Variants in ZC3H6 observed in about 807,000 individuals in gnomAD.
ZC3H6 encodes the protein zinc finger CCCH domain-containing protein 6.
In ZC3H6, 40 loss-of-function variants were observed where a neutral mutation model predicts 107.7. The ratio of observed to expected loss-of-function variants is 0.37; its 90% CI spans 0.29 to 0.48. The LOEUF is 0.48. Ranked by LOEUF, ZC3H6 falls within the 20% of genes least tolerant of loss-of-function variation. The pLI, the probability that ZC3H6 is intolerant of heterozygous loss-of-function variation, is 0.98. For missense variants in ZC3H6, 1,267 were observed against 1,410.4 expected (o/e 0.90, Z 1.63); for synonymous variants, 493 against 487.9 (o/e 1.01, Z -0.14).
In ZC3H6 at chr2:112,331,400, A is replaced by G. The variant is rs762825878; in HGVS notation, c.2482A>G (p.Thr828Ala). 3.7e-6 allele frequency: 6 copies of G among 1,613,570 alleles called. No homozygotes were observed. Among genetic ancestry groups the G allele is most frequent in the Admixed American group, 1.7e-5 (1 of 59,968 alleles). The part of the protein sequence containing the change: ...HKRGDDDDED[T>A]ERELREKAFL... Reference sequence around the variant, plus strand: ...AAGAGGCGATGATGATGATGAAGATACAGAAAGAGAACTGAGAGAAAAAGC... The same window carrying G: ...AAGAGGCGATGATGATGATGAAGATGCAGAAAGAGAACTGAGAGAAAAAGC... The change falls in exon 12 of 12, where the codon ACA becomes GCA. Residue 828 changes from threonine (T) to alanine (A), a missense_variant. Thr to Ala is a moderately conservative substitution (Grantham distance 58). This residue lies in a region of ZC3H6 where 925 missense variants were observed against 1,025.7 expected (regional missense o/e 0.90). Coordinates refer to ENST00000409871, the MANE Select transcript of ZC3H6 (RefSeq NM_198581.3).
At chr2:112,312,972 C>T (rs1676621040) in intron 5 of ZC3H6, among the ~76,000 whole-genome samples, 1 of 151,864 alleles carries the variant, frequency 6.6e-6, no homozygotes, top group Non-Finnish European at 1.5e-5. Context: ...AGATAGTGGG[C>T]AGAGATTTCT....
intron 1 of ZC3H6, among the ~76,000 whole-genome samples, chr2:112,288,018 T>G (rs1686642591): frequency 6.6e-6 from 1 of 152,250 alleles, no homozygotes; most frequent in South Asian, 2.1e-4. Flanking sequence ...CATTAACATC[T>G]GTTGTCACCA....
rs1448187574 is a variant in ZC3H6, at chr2:112,311,815, A to G, written c.625A>G (p.Arg209Gly). ...TTTAACTTTTCTAGGTATTGAACAG[A>G]GAGTTAAAAGTTTTAATGTTGGTCG... ...MKGVQQGIEQ[R>G]VKSFNVGRGR... The change falls in exon 5 of 12, where the codon AGA (arginine) becomes GGA (glycine). Residue 209 changes from arginine to glycine, a missense_variant. Physicochemically the swap from Arg to Gly is moderately radical, Grantham distance 125 (BLOSUM62 -2). Around this residue, in one of 3 missense-constraint regions of ZC3H6, gnomAD observed 337 missense variants for 361.2 expected, o/e 0.93. Coordinates refer to ENST00000409871, the MANE Select transcript of ZC3H6 (RefSeq NM_198581.3). 2.5e-6 allele frequency: 4 copies of G among 1,610,940 alleles called. No individual in the cohort carries two copies. In the South Asian group the frequency reaches 3.3e-5, roughly 13 times the overall value.
intron 1 of ZC3H6, among the ~76,000 whole-genome samples, chr2:112,289,972 CT>C (rs1228261601): frequency 6.6e-6 from 1 of 152,070 alleles, no homozygotes; most frequent in African/African-American, 2.4e-5. Context: ...CACTCCTGGG[CT>C]TGACCAGTTC....
intron 1 of ZC3H6, among the ~76,000 whole-genome samples, chr2:112,289,063 T>C (rs1453957194): frequency 4.9e-4 from 38 of 77,480 alleles, no homozygotes; most frequent in Admixed American, 4.2e-3. Context: ...CTTTTTTTTC[T>C]TTTTTTTTTT....
rs1214307941 is a variant in ZC3H6 at position 112,309,997 on chromosome 2, A to C, written c.449A>C (p.Asn150Thr). 9.3e-6 allele frequency: 15 copies of C among 1,613,610 alleles called. No homozygotes were observed. In the South Asian group the frequency reaches 1.6e-4, roughly 18 times the overall value. ...ACCTACAGTGATGACAACTTCGGTA[A>C]CTACAGTGATGACAACTTTGGTAAC... Reference protein sequence around the residue: ...YSTYSDDNFGNYSDDNFGNYG... With the variant: ...YSTYSDDNFGTYSDDNFGNYG... The change falls in exon 4 of 12, where the codon AAC (asparagine) becomes ACC (threonine). Residue 150 changes from asparagine (N) to threonine (T), a missense_variant. By Grantham distance (65) the Asn-to-Thr change is moderately conservative. Coordinates refer to ENST00000409871, the MANE Select transcript of ZC3H6 (RefSeq NM_198581.3).
chr2:112,331,707 C>T lies in ZC3H6; in HGVS notation c.2789C>T (p.Pro930Leu), dbSNP rs1677035383. 5 of 1,613,782 alleles carry T rather than the reference C, an allele frequency of 3.1e-6. No homozygotes were observed. Among genetic ancestry groups the T allele is most frequent in the Middle Eastern group, 1.7e-4 (1 of 6,060 alleles). ...CATCAAAATACAGTGTCCATTGATCCAAAATTAGCAGCCAAAGCCAAAATT... is the reference window on the plus strand; with the variant it reads ...CATCAAAATACAGTGTCCATTGATCTAAAATTAGCAGCCAAAGCCAAAATT... ...DLHQNTVSID[P>L]KLAAKAKINT... Residue 930 changes from proline to leucine, a missense_variant, in exon 12 of 12, where the codon CCA (proline) becomes CTA (leucine). Physicochemically the swap from Pro to Leu is moderately conservative, Grantham distance 98 (BLOSUM62 -3). Transcript: ENST00000409871.
intron 1 of ZC3H6, among the ~76,000 whole-genome samples, chr2:112,287,191 T>A (rs1029129466): frequency 6.6e-6 from 1 of 152,156 alleles, no homozygotes; most frequent in African/African-American, 2.4e-5. Context: ...GAATTTTGTT[T>A]TCTGAGATTT....
At chr2:112,291,920 G>A (rs1272417813) in intron 1 of ZC3H6, among the ~76,000 whole-genome samples, 1 of 152,084 alleles carries the variant, frequency 6.6e-6, no homozygotes, top group African/African-American at 2.4e-5. Context: ...GGTTCACCAT[G>A]TTGACCAGGC....
intron 2 of ZC3H6, among the ~76,000 whole-genome samples, chr2:112,301,390 G>C (rs2104706250): frequency 6.6e-6 from 1 of 152,284 alleles, no homozygotes; most frequent in South Asian, 2.1e-4. Flanking sequence ...GAAAGAAATA[G>C]TCAGATAACA....
At chr2:112,284,959 T>C (rs1325430857) in intron 1 of ZC3H6, among the ~76,000 whole-genome samples, 1 of 152,170 alleles carries the variant, frequency 6.6e-6, no homozygotes, top group Non-Finnish European at 1.5e-5. Flanking sequence ...AACTAAAAAT[T>C]AAATATAGTC....
intron 6 of ZC3H6, 61 bp from the exon 7 acceptor site, chr2:112,317,157 TTTC>T: frequency 1.1e-6 from 1 of 914,710 alleles, no homozygotes; most frequent in Non-Finnish European, 1.6e-6. Context: ...TCAGCTGTTG[TTTC>T]TTTGTTTCTC....
In ZC3H6 at chr2:112,321,854, CT is replaced by C; in HGVS notation, c.1079del (p.Leu360TrpfsTer5). ...HDDLTKETKKLLDKVLNTDEE... is the reference protein window; with the variant it reads ...HDDLTKETKKXLDKVLNTDEE... ...TGATCTAACTAAAGAAACAAAGAAA[CT>C]TTTGGACAAAGTGAGTAATATTTTT... is the stretch of plus-strand genomic sequence containing the variant. On this transcript the variant is annotated frameshift_variant, in exon 8 of 12. Transcript: ENST00000409871. LOFTEE classifies it high-confidence loss of function. 6.7e-7 allele frequency: 1 copy of C among 1,495,814 alleles called. No homozygotes were observed. The highest frequency in any genetic ancestry group is 1.4e-5 in the South Asian group (1 of 73,264). The allele number at this position is 1,495,814 out of a possible 1,614,324, so 92.7% of individuals were successfully genotyped here. A position where few individuals can be genotyped will look rare whatever the true frequency, so the allele number is the denominator to read the frequency against.
rs549752444 is a variant in ZC3H6 at position 112,337,547 on chromosome 2, C to G, written c.*5059C>G. On this transcript the variant is annotated 3_prime_UTR_variant, in exon 12 of 12. Transcript: ENST00000409871. ...ATGTTGATCAGGCTGATCTTGAACTCCTGACCCCAGGTGATCCACCCGCCT... is the reference window on the plus strand; with the variant it reads ...ATGTTGATCAGGCTGATCTTGAACTGCTGACCCCAGGTGATCCACCCGCCT... 1 of 151,912 alleles carries G rather than the reference C, an allele frequency of 6.6e-6. No individual in the cohort carries two copies. The highest frequency in any genetic ancestry group is 1.9e-4 in the East Asian group (1 of 5,152). The allele number at this position is 151,912 out of a possible 1,614,324, so 9.4% of individuals were successfully genotyped here.
rs552830639 is a variant in ZC3H6, at chr2:112,324,428, C to T, written c.1617C>T (p.Asp539=). ...AAGCTGGAGTGCTTGTTCAACCAGA[C>T]ACATCTTTGACACCACCAAGTATGG... ...QNQAGVLVQP[D]TSLTPPSMGG... is the part of the protein sequence containing the mutation. Residue 539 remains aspartate (D), a synonymous_variant, in exon 10 of 12, where the codon GAC becomes GAT. Coordinates refer to ENST00000409871, the MANE Select transcript of ZC3H6 (RefSeq NM_198581.3). The T allele has an allele frequency of 7.4e-6, 12 of 1,614,020 alleles. No homozygotes were observed. Among genetic ancestry groups the T allele is most frequent in the East Asian group, 4.5e-5 (2 of 44,882 alleles).
At chr2:112,299,467 G>A (rs1400117090) in intron 1 of ZC3H6, among the ~76,000 whole-genome samples, 1 of 152,070 alleles carries the variant, frequency 6.6e-6, no homozygotes, top group Non-Finnish European at 1.5e-5. Context: ...GTTTCTTAGA[G>A]CATTTTAGTT....
At chr2:112,279,566 C>G (rs1686490735) in intron 1 of ZC3H6, among the ~76,000 whole-genome samples, 1 of 152,098 alleles carries the variant, frequency 6.6e-6, no homozygotes, top group Admixed American at 6.5e-5. Flanking sequence ...CCACCCTTCC[C>G]TCGCAGCTTT....
chr2:112,316,610 G>T, intron 6 of ZC3H6, 24 bp downstream of exon 6: 4 of 1,424,722 alleles, frequency 2.8e-6, no homozygotes, highest in Non-Finnish European at 3.8e-6. Context: ...GGTATCATAA[G>T]TCATTTTAAC....
chr2:112,291,849 T>C (rs1676125903), intron 1 of ZC3H6, among the ~76,000 whole-genome samples: 1 of 151,840 alleles, frequency 6.6e-6, no homozygotes. Context: ...TCCCAAGTAG[T>C]TGGGACTACA....
Sources: gnomAD v4.1 joint callset for allele counts (sites outside exome capture counted in the v4.1 genomes callset) on GRCh38, gnomAD v4.1.1 for gene constraint, gnomAD v4.1.1 regional missense constraint, MANE v1.5 for transcripts, NCBI Gene and HGNC (gene_info 2026-07-23, HGNC 2026-07-21) for gene names.